The following FAM204A variants were observed in gnomAD, a reference collection of about 807,000 sequenced individuals.
FAM204A encodes the protein protein FAM204A.
A neutral mutation model predicts 35.4 loss-of-function variants in FAM204A; 16 were observed. The observed-to-expected ratio is 0.45, with a 90% confidence interval of 0.31 to 0.69. The LOEUF (loss-of-function observed/expected upper bound fraction) is 0.69, where lower values mean the gene tolerates loss of function less well. Ranked by LOEUF, FAM204A falls within the 30% of genes least tolerant of loss-of-function variation. The pLI is 0.07. For synonymous variants in FAM204A, 76 were observed against 86.9 expected (o/e 0.88, Z 0.70); for missense variants, 240 against 265.7 (o/e 0.90, Z 0.67).
Position 118,335,181 on chromosome 10 carries a change from T to G in FAM204A, c.386A>C (p.Glu129Ala), listed in dbSNP as rs1359232195. ...ATTGACTCCAAAATACTGAGTAAGC[T>G]CTTTCCACTGGGTTTCATTTGAGGA... ...EPSSNETQWKELTQYFGVNDR... is the reference protein window; with the variant it reads ...EPSSNETQWKALTQYFGVNDR... Residue 129 changes from glutamate (E) to alanine (A), a missense_variant, in exon 6 of 9, where the codon GAG becomes GCG. Around this residue, in one of 2 missense-constraint regions of FAM204A, gnomAD observed 232 missense variants for 242.8 expected, o/e 0.96. Transcript: ENST00000369183. 6.2e-7 allele frequency: 1 copy of G among 1,613,628 alleles called. No homozygotes were observed. The highest frequency in any genetic ancestry group is 8.5e-7 in the Non-Finnish European group (1 of 1,179,780).
rs1311610310 is a variant in FAM204A at position 118,303,786 on chromosome 10, T to C, written c.*7071A>G. 6.6e-6 allele frequency: 1 copy of C among 150,928 alleles called. No homozygotes were observed. The highest frequency in any genetic ancestry group is 1.5e-5 in the Non-Finnish European group (1 of 67,864). 9.3% of individuals were successfully genotyped at this position (150,928 alleles called of 1,614,324 possible). ...GAGATGACACCACTGCACTCTAGCCTGGCGACAGAGCAAGACTCCGTCTCA... is the reference window on the plus strand; with the variant it reads ...GAGATGACACCACTGCACTCTAGCCCGGCGACAGAGCAAGACTCCGTCTCA... On this transcript the variant is annotated 3_prime_UTR_variant, in exon 9 of 9. Coordinates refer to ENST00000369183, the MANE Select transcript of FAM204A (RefSeq NM_022063.3).
At chr10:118,318,891 G>T (rs1329956152) in intron 7 of FAM204A, among the ~76,000 whole-genome samples, 2 of 150,766 alleles carry the variant, frequency 1.3e-5, no homozygotes, top group Non-Finnish European at 3.0e-5. Context: ...TAACACTCCA[G>T]GTACTCTGAT....
intron 6 of FAM204A, among the ~76,000 whole-genome samples, chr10:118,332,761 T>C (rs1846313620): frequency 6.6e-6 from 1 of 152,208 alleles, no homozygotes; most frequent in Non-Finnish European, 1.5e-5. Context: ...CATTGTACAA[T>C]TACTCTAACA....
At position 118,299,803 on chromosome 10, in the gene FAM204A, G is replaced by A. The variant is rs1170817922; in HGVS notation, c.*11054C>T. ...AAATATGGTTACAAAAAGTACAAGT[G>A]GAATCTTCAGAATTACAAGCATGAT... On this transcript the variant is annotated 3_prime_UTR_variant, in exon 9 of 9. Transcript: ENST00000369183. The A allele has an allele frequency of 1.3e-5, 2 of 152,060 alleles. No homozygotes were observed. The highest frequency in any genetic ancestry group is 2.9e-5 in the Non-Finnish European group (2 of 68,002). The allele number at this position is 152,060 out of a possible 1,614,324, so 9.4% of individuals were successfully genotyped here.
In FAM204A at chr10:118,302,920, A is replaced by G. The variant is rs1398745713; in HGVS notation, c.*7937T>C. Reference sequence around the variant, plus strand: ...AGTCTTCTTTGTATGCACTAATTACAGAGGAGCTTTTGAAAATGTGGAATC... The same window carrying G: ...AGTCTTCTTTGTATGCACTAATTACGGAGGAGCTTTTGAAAATGTGGAATC... On this transcript the variant is annotated 3_prime_UTR_variant, in exon 9 of 9. Transcript: ENST00000369183. The G allele has an allele frequency of 6.6e-6, 1 of 152,220 alleles. No homozygotes were observed. Among genetic ancestry groups the G allele is most frequent in the Non-Finnish European group, 1.5e-5 (1 of 68,048 alleles). The allele number at this position is 152,220 out of a possible 1,614,324, so 9.4% of individuals were successfully genotyped here.
chr10:118,310,322 A>C lies in FAM204A; in HGVS notation c.*535T>G, dbSNP rs1229817811. On this transcript the variant is annotated 3_prime_UTR_variant, in exon 9 of 9. Transcript: ENST00000369183. ...AACTCTGTCTCTACTAAAAATACAA[A>C]AAAAAAAAAAAAATTAGCCGGGTGT... The C allele has an allele frequency of 6.6e-6, 1 of 151,228 alleles. No individual in the cohort carries two copies. The highest frequency in any genetic ancestry group is 2.4e-5 in the African/African-American group (1 of 41,196). 9.4% of individuals were successfully genotyped at this position (151,228 alleles called of 1,614,324 possible).
At chr10:118,331,980 C>G (rs1846296269) in intron 6 of FAM204A, among the ~76,000 whole-genome samples, 1 of 150,556 alleles carries the variant, frequency 6.6e-6, no homozygotes, top group Non-Finnish European at 1.5e-5. Context: ...TTGAGACCAG[C>G]CTGGCCAATA....
In FAM204A at chr10:118,301,264, C is replaced by G. The variant is rs544616411; in HGVS notation, c.*9593G>C. ...ACTTTCACAGAATTGTCAAGGACTACGAAGGGTCTGAGATTTCACCCTACT... is the reference window on the plus strand; with the variant it reads ...ACTTTCACAGAATTGTCAAGGACTAGGAAGGGTCTGAGATTTCACCCTACT... On this transcript the variant is annotated 3_prime_UTR_variant, in exon 9 of 9. Transcript: ENST00000369183. The G allele has an allele frequency of 1.3e-5, 2 of 152,304 alleles. No individual in the cohort carries two copies. Among genetic ancestry groups the G allele is most frequent in the South Asian group, 2.1e-4 (1 of 4,826 alleles). 9.4% of individuals were successfully genotyped at this position (152,304 alleles called of 1,614,324 possible).
intron 6 of FAM204A, among the ~76,000 whole-genome samples, chr10:118,326,907 G>A (rs138091059): frequency 1.2e-4 from 18 of 152,218 alleles, no homozygotes; most frequent in African/African-American, 3.1e-4. Context: ...ATTTTCTTAT[G>A]TATATGTTTT....
chr10:118,317,319 G>A (rs1296576241), intron 7 of FAM204A, among the ~76,000 whole-genome samples: 2 of 152,050 alleles, frequency 1.3e-5, no homozygotes, highest in Non-Finnish European at 2.9e-5. Flanking sequence ...AATTAAAAGA[G>A]AAAACATGCT....
intron 3 of FAM204A, chr10:118,335,963 G>GT (rs78235738): frequency 0.085 from 36,465 of 430,076 alleles, no homozygotes; most frequent in South Asian, 0.11. Flanking sequence ...AGTGGTTTGG[G>GT]TTTTTTTTTT....
intron 7 of FAM204A, among the ~76,000 whole-genome samples, chr10:118,317,049 C>A (rs535249463): frequency 2.0e-5 from 3 of 152,170 alleles, no homozygotes; most frequent in African/African-American, 7.2e-5. Flanking sequence ...CTGTTTTCAG[C>A]AATTTCTTTA....
chr10:118,299,413 T>TTTTTTTA lies in FAM204A; in HGVS notation c.*11443_*11444insTAAAAAA, dbSNP rs1845784245. On this transcript the variant is annotated 3_prime_UTR_variant, in exon 9 of 9. Coordinates refer to ENST00000369183, the MANE Select transcript of FAM204A (RefSeq NM_022063.3). ...AAGGTTTTTTTTTTTTTTTTTTTTT[T>TTTTTTTA]GAGACAGGGTCAGGCTGGACTGCAG... 7.4e-6 allele frequency: 1 copy of TTTTTTTA among 135,448 alleles called. No individual in the cohort carries two copies. Among genetic ancestry groups the TTTTTTTA allele is most frequent in the Non-Finnish European group, 1.6e-5 (1 of 63,444 alleles). The allele number at this position is 135,448 out of a possible 1,614,324, so 8.4% of individuals were successfully genotyped here.
chr10:118,339,238 G>A (rs1846435569), intron 2 of FAM204A, among the ~76,000 whole-genome samples: 1 of 152,214 alleles, frequency 6.6e-6, no homozygotes, highest in African/African-American at 2.4e-5. Flanking sequence ...GCAAAATGGA[G>A]TTGCCCGTGT....
chr10:118,333,360 A>C (rs1418796721), intron 6 of FAM204A, among the ~76,000 whole-genome samples: 4 of 152,230 alleles, frequency 2.6e-5, no homozygotes, highest in African/African-American at 7.2e-5. Flanking sequence ...TAACTGCATC[A>C]CAGATTTTCA....
intron 7 of FAM204A, among the ~76,000 whole-genome samples, chr10:118,321,385 T>C (rs1420557218): frequency 6.6e-6 from 1 of 152,088 alleles, no homozygotes; most frequent in Admixed American, 6.6e-5. Context: ...AACATCAGTA[T>C]CTTTCCAATT....
In FAM204A at chr10:118,336,261, T is replaced by G; in HGVS notation, c.155A>C (p.Asp52Ala). The change falls in exon 3 of 9, where the codon GAT becomes GCT. Residue 52 changes from aspartate (D) to alanine (A), a missense_variant. Around this residue, in one of 2 missense-constraint regions of FAM204A, gnomAD observed 232 missense variants for 242.8 expected, o/e 0.96. Transcript: ENST00000369183. ...RKTEIIDFST[D>A]EPKTETESNV... The stretch of plus-strand genomic sequence containing the variant: ...TGACTCTGTTTCAGTTTTTGGTTCA[T>G]CTGTTGAGAAATCTATGATTTCTGT... 6.2e-7 allele frequency: 1 copy of G among 1,613,948 alleles called. No homozygotes were observed. The highest frequency in any genetic ancestry group is 1.3e-5 in the African/African-American group (1 of 75,040).
At chr10:118,339,056 T>C (rs1167620160) in intron 2 of FAM204A, among the ~76,000 whole-genome samples, 1 of 152,194 alleles carries the variant, frequency 6.6e-6, no homozygotes, top group African/African-American at 2.4e-5. Context: ...TTGAAAAAGG[T>C]GGAATCCACC....
At position 118,304,309 on chromosome 10, in the gene FAM204A, C is replaced by A. The variant is rs897075883; in HGVS notation, c.*6548G>T. 3.9e-5 allele frequency: 6 copies of A among 152,198 alleles called. No individual in the cohort carries two copies. The highest frequency in any genetic ancestry group is 8.8e-5 in the Non-Finnish European group (6 of 68,048). 9.4% of individuals were successfully genotyped at this position (152,198 alleles called of 1,614,324 possible). On this transcript the variant is annotated 3_prime_UTR_variant, in exon 9 of 9. Transcript: ENST00000369183. Reference sequence around the variant, plus strand: ...CATGACACAACAAGTATAAATATGACCTACTTTACTAAATACTAAATGTCT... The same window carrying A: ...CATGACACAACAAGTATAAATATGAACTACTTTACTAAATACTAAATGTCT...
Sources: allele counts gnomAD v4.1 joint callset (sites outside exome capture counted in the v4.1 genomes callset), GRCh38; gene constraint gnomAD v4.1.1; regional missense constraint gnomAD v4.1.1; transcripts MANE v1.5; gene names NCBI Gene and HGNC (gene_info 2026-07-23, HGNC 2026-07-21).